Variants in DNAJC5B observed in about 807,000 individuals in gnomAD.
DNAJC5B encodes the protein DnaJ heat shock protein family (Hsp40) member C5 beta, also known as dnaJ homolog subfamily C member 5B.
DNAJC5B carries 23 observed loss-of-function variants against 24.7 expected under a neutral mutation model. That is an observed-to-expected ratio of 0.93 (90% confidence interval 0.67 to 1.32). DNAJC5B has a LOEUF of 1.32. Ranked by LOEUF, DNAJC5B falls within the 40% of genes most tolerant of loss-of-function variation. The probability of loss-of-function intolerance (pLI) is 0.00; values close to 1 mark genes in which losing one functional copy is unlikely to be tolerated. For missense variants in DNAJC5B, 238 were observed against 240.8 expected (o/e 0.99, Z 0.08); for synonymous variants, 101 against 90.1 (o/e 1.12, Z -0.68).
Position 66,073,485 on chromosome 8 carries a change from ATGTGTG to A in DNAJC5B, c.120-3157_120-3152del, listed in dbSNP as rs61131925. ...AGGTTGTGTGAATGTGCATGTGTTC[ATGTGTG>A]TGTGTGTGTGTGTGTGTATGTGTGT... is the stretch of plus-strand genomic sequence containing the variant. On this transcript the variant is annotated intron_variant, in intron 3 of 5. Coordinates refer to ENST00000276570, the MANE Select transcript of DNAJC5B (RefSeq NM_033105.6). Among the ~76,000 whole-genome samples the A allele has an allele frequency of 2.2e-3, 332 of 149,534 alleles. 4 individuals are homozygous for A. Among genetic ancestry groups the A allele is most frequent in the African/African-American group, 7.6e-3 (313 of 41,026 alleles).
At chr8:66,044,286 C>A (rs1022141075) in intron 2 of DNAJC5B, among the ~76,000 whole-genome samples, 1 of 152,086 alleles carries the variant, frequency 6.6e-6, no homozygotes, top group Non-Finnish European at 1.5e-5. Context: ...GAAGTAATGA[C>A]AAAGCAGCAA....
intron 3 of DNAJC5B, among the ~76,000 whole-genome samples, chr8:66,068,134 A>C (rs1038170370): frequency 6.6e-6 from 1 of 152,206 alleles, no homozygotes; most frequent in African/African-American, 2.4e-5. Flanking sequence ...TTAGTCCTCA[A>C]ATTATTTCTT....
intron 1 of DNAJC5B, among the ~76,000 whole-genome samples, chr8:66,038,786 T>C (rs1806542917): frequency 6.6e-6 from 1 of 152,176 alleles, no homozygotes; most frequent in Non-Finnish European, 1.5e-5. Flanking sequence ...GTCAAACAAA[T>C]ACATCTGTTT....
chr8:66,077,392 G>A (rs1807491830), intron 4 of DNAJC5B, among the ~76,000 whole-genome samples: 1 of 152,154 alleles, frequency 6.6e-6, no homozygotes, highest in Admixed American at 6.5e-5. Context: ...AATTGGAGAG[G>A]CAGAGATGGG....
intron 1 of DNAJC5B, among the ~76,000 whole-genome samples, chr8:66,042,742 T>G (rs1002185604): frequency 4.0e-5 from 5 of 125,512 alleles, no homozygotes; most frequent in East Asian, 2.8e-4. Flanking sequence ...CTTCTTCGTC[T>G]TCTTCTTCCT....
chr8:66,020,591 ACTCTGT>A (rs1806086292), upstream of DNAJC5B, among the ~76,000 whole-genome samples: 2 of 137,528 alleles, frequency 1.5e-5, no homozygotes, highest in East Asian at 4.4e-4. Flanking sequence ...TGTAATCAAT[ACTCTGT>A]GTGTGTGTGT....
intron 5 of DNAJC5B, among the ~76,000 whole-genome samples, chr8:66,087,613 G>T (rs1807756075): frequency 6.6e-6 from 1 of 152,216 alleles, no homozygotes; most frequent in South Asian, 2.1e-4. Context: ...AGATACAATG[G>T]AGGTACAGGC....
chr8:66,034,636 TC>T (rs986003973), intron 1 of DNAJC5B, among the ~76,000 whole-genome samples: 46 of 151,290 alleles, frequency 3.0e-4, no homozygotes, highest in African/African-American at 9.2e-4. Flanking sequence ...GCATCCAAGA[TC>T]TGACAAGGAA....
At chr8:66,033,370 G>T (rs146367586) in intron 1 of DNAJC5B, among the ~76,000 whole-genome samples, 1 of 152,318 alleles carries the variant, frequency 6.6e-6, no homozygotes, top group Non-Finnish European at 1.5e-5. Flanking sequence ...TGGAAGGCCC[G>T]GGAAAGAGCT....
chr8:66,051,715 G>T (rs761791296), intron 3 of DNAJC5B, 49 bp downstream of exon 3: 1 of 1,385,782 alleles, frequency 7.2e-7, no homozygotes, highest in South Asian at 1.2e-5. Flanking sequence ...GAGTTATTTT[G>T]TGACTGGCAG....
intron 3 of DNAJC5B, among the ~76,000 whole-genome samples, chr8:66,053,497 G>T (rs1806896177): frequency 6.6e-6 from 1 of 151,750 alleles, no homozygotes; most frequent in South Asian, 2.1e-4. Flanking sequence ...CAAAAATGAA[G>T]GCAATAACAT....
intron 5 of DNAJC5B, among the ~76,000 whole-genome samples, chr8:66,091,596 G>A (rs373208043): frequency 1.5e-4 from 23 of 152,248 alleles, no homozygotes; most frequent in African/African-American, 5.3e-4. Flanking sequence ...GAATGAAGCA[G>A]AAGTTGTGCA....
At chr8:66,056,140 T>C (rs543905881) in intron 3 of DNAJC5B, among the ~76,000 whole-genome samples, 1 of 152,226 alleles carries the variant, frequency 6.6e-6, no homozygotes, top group Non-Finnish European at 1.5e-5. Context: ...CAGGGCATTT[T>C]ATAATCCCCT....
intron 1 of DNAJC5B, among the ~76,000 whole-genome samples, chr8:66,034,471 A>G (rs1463235895): frequency 6.6e-6 from 1 of 152,090 alleles, no homozygotes; most frequent in East Asian, 1.9e-4. Context: ...TTCACTGAAC[A>G]GGGAAAGAGC....
intron 2 of DNAJC5B, among the ~76,000 whole-genome samples, chr8:66,050,413 G>A (rs993949134): frequency 2.6e-5 from 4 of 152,124 alleles, no homozygotes; most frequent in Admixed American, 2.6e-4. Flanking sequence ...AAGAACAACC[G>A]GAGCCAGGAA....
At chr8:66,060,115 C>T (rs1438753585) in intron 3 of DNAJC5B, among the ~76,000 whole-genome samples, 1 of 152,192 alleles carries the variant, frequency 6.6e-6, no homozygotes, top group African/African-American at 2.4e-5. Flanking sequence ...AAGCTCCTTC[C>T]AGTTTTCCTT....
At chr8:66,079,009 CTTT>C (rs1442489740) in intron 4 of DNAJC5B, among the ~76,000 whole-genome samples, 1 of 152,184 alleles carries the variant, frequency 6.6e-6, no homozygotes, top group African/African-American at 2.4e-5. Flanking sequence ...AAACCTCTTT[CTTT>C]CTATTTCAAA....
intron 5 of DNAJC5B, among the ~76,000 whole-genome samples, chr8:66,085,586 A>G (rs1807705494): frequency 1.3e-5 from 2 of 152,022 alleles, no homozygotes; most frequent in South Asian, 4.1e-4. Flanking sequence ...AAATATATAT[A>G]TATATATCAA....
chr8:66,035,095 G>A (rs1806453091), intron 1 of DNAJC5B, among the ~76,000 whole-genome samples: 1 of 152,194 alleles, frequency 6.6e-6, no homozygotes, highest in Non-Finnish European at 1.5e-5. Context: ...GAATTTTCAG[G>A]AGTTTTGCAA....
Sources: allele counts gnomAD v4.1 joint callset (sites outside exome capture counted in the v4.1 genomes callset), GRCh38; gene constraint gnomAD v4.1.1; transcripts MANE v1.5; gene names NCBI Gene and HGNC (gene_info 2026-07-23, HGNC 2026-07-21).